Variants in WHAMM observed in about 807,000 individuals in gnomAD.
WHAMM encodes WASP homolog associated with actin, golgi membranes and microtubules.
WHAMM carries 67 observed loss-of-function variants against 76.5 expected under a neutral mutation model. That is an observed-to-expected ratio of 0.88 (90% CI 0.72 to 1.07). WHAMM has a LOEUF of 1.07. Among genes scored for constraint, WHAMM ranks in the 50% least tolerant of loss-of-function variants. The probability of loss-of-function intolerance (pLI) is 0.00; values close to 1 mark genes in which losing one functional copy is unlikely to be tolerated. For missense variants in WHAMM, 1,021 were observed against 1,051.1 expected (o/e 0.97, Z 0.40); for synonymous variants, 419 against 422.1 (o/e 0.99, Z 0.09).
At position 82,810,316 on chromosome 15, in the gene WHAMM, C is replaced by T. The variant is rs770646642; in HGVS notation, c.590C>T (p.Ala197Val). ...GCCTTGCGCGCGCGGTGGGTCGAGGCGGACGCGCGGCTGCGCCAGGTAAGC... is the reference window on the plus strand; with the variant it reads ...GCCTTGCGCGCGCGGTGGGTCGAGGTGGACGCGCGGCTGCGCCAGGTAAGC... ...ERALRARWVE[A>V]DARLRQVIQG... The change falls in exon 1 of 10, where the codon GCG (alanine) becomes GTG (valine). Residue 197 changes from alanine (A) to valine (V), a missense_variant. Ala to Val is a moderately conservative substitution (Grantham distance 64). This residue lies in a region of WHAMM where 501 missense variants were observed against 524.9 expected (regional missense o/e 0.95). Coordinates refer to ENST00000286760, the MANE Select transcript of WHAMM (RefSeq NM_001080435.3). 7.6e-7 allele frequency: 1 copy of T among 1,315,938 alleles called. No homozygotes were observed. The highest frequency in any genetic ancestry group is 2.2e-5 in the South Asian group (1 of 46,352). 81.5% of individuals were successfully genotyped at this position (1,315,938 alleles called of 1,614,324 possible).
At position 82,809,719 on chromosome 15, in the gene WHAMM, C is replaced by G. The variant is rs749369793; in HGVS notation, c.-8C>G. On this transcript the variant is annotated 5_prime_UTR_variant, in exon 1 of 10. Transcript: ENST00000286760. ...CGCCGAGCCCTAGGGCCGCTGCTGCCGACAGCCATGGAGGACGAGCAGCCT... is the reference window on the plus strand; with the variant it reads ...CGCCGAGCCCTAGGGCCGCTGCTGCGGACAGCCATGGAGGACGAGCAGCCT... 2.7e-6 allele frequency: 4 copies of G among 1,462,244 alleles called. No individual in the cohort carries two copies. Among genetic ancestry groups the G allele is most frequent in the Non-Finnish European group, 2.7e-6 (3 of 1,102,710 alleles). The allele number at this position is 1,462,244 out of a possible 1,614,324, so 90.6% of individuals were successfully genotyped here. A position where few individuals can be genotyped will look rare whatever the true frequency, so the allele number is the denominator to read the frequency against.
chr15:82,833,185 A>T, intron 9 of WHAMM, 44 bp from the exon 10 acceptor site: 2 of 1,571,912 alleles, frequency 1.3e-6, no homozygotes, highest in Non-Finnish European at 1.7e-6. Context: ...CTGGGAAGGG[A>T]AAGTGTTTTA....
At chr15:82,815,397 T>TA (rs1296263266) in intron 2 of WHAMM, among the ~76,000 whole-genome samples, 3 of 152,018 alleles carry the variant, frequency 2.0e-5, no homozygotes, top group Non-Finnish European at 4.4e-5. Flanking sequence ...TTGGAGCAAA[T>TA]ATCAGGATTT....
rs1187614453 is a variant in WHAMM at position 82,810,203 on chromosome 15, C to G, written c.477C>G (p.Gly159=). ...LERYLGAAAD[G]CGGATVRDAL... ...GCTATCTGGGCGCGGCGGCCGACGG[C>G]TGCGGCGGCGCCACAGTGCGCGACG... The change falls in exon 1 of 10, where the codon GGC becomes GGG. Residue 159 remains glycine (G), a synonymous_variant. Transcript: ENST00000286760. The G allele has an allele frequency of 1.4e-6, 2 of 1,409,484 alleles. No homozygotes were observed. The highest frequency in any genetic ancestry group is 1.9e-6 in the Non-Finnish European group (2 of 1,079,062). 87.3% of individuals were successfully genotyped at this position (1,409,484 alleles called of 1,614,324 possible).
At chr15:82,827,294 C>T (rs1322617012) in intron 8 of WHAMM, among the ~76,000 whole-genome samples, 1 of 151,676 alleles carries the variant, frequency 6.6e-6, no homozygotes, top group East Asian at 1.9e-4. Context: ...TTTTTGATAT[C>T]TACAACTTTC....
At chr15:82,831,113 G>GAGTT (rs769694242) in intron 9 of WHAMM, 34 bp downstream of exon 9, 2 of 1,587,730 alleles carry the variant, frequency 1.3e-6, no homozygotes, top group East Asian at 4.5e-5. Flanking sequence ...TGCTCCCCAT[G>GAGTT]AGTTGTTAAG....
chr15:82,830,501 T>A, intron 8 of WHAMM, 98 bp from the exon 9 acceptor site: 1 of 1,512,734 alleles, frequency 6.6e-7, no homozygotes, highest in Non-Finnish European at 8.9e-7. Context: ...AGACCATCCA[T>A]GCATAGAAAC....
chr15:82,816,468 G>GT (rs936794796), intron 2 of WHAMM, among the ~76,000 whole-genome samples: 21 of 150,556 alleles, frequency 1.4e-4, no homozygotes, highest in East Asian at 3.9e-4. Context: ...GTGAAAGTGG[G>GT]TTTTTTTTTC....
At chr15:82,830,269 T>C (rs553630467) in intron 8 of WHAMM, among the ~76,000 whole-genome samples, 1 of 152,186 alleles carries the variant, frequency 6.6e-6, no homozygotes, top group East Asian at 1.9e-4. Flanking sequence ...TTGTCATAAT[T>C]TTTTCAACAA....
intron 1 of WHAMM, among the ~76,000 whole-genome samples, chr15:82,812,631 G>A (rs1015931116): frequency 7.9e-5 from 12 of 152,064 alleles, no homozygotes; most frequent in African/African-American, 2.2e-4. Context: ...GGTCCCTTTC[G>A]CTGCATACTT....
At chr15:82,818,171 G>A (rs771950891) in intron 4 of WHAMM, 82 bp downstream of exon 4, 1 of 1,430,910 alleles carries the variant, frequency 7.0e-7, no homozygotes, top group African/African-American at 1.4e-5. Flanking sequence ...GGATACAAGT[G>A]CAGTTTTTGT....
At position 82,810,528 on chromosome 15, in the gene WHAMM, T is replaced by A. The variant is rs889004466; in HGVS notation, c.609+193T>A. On this transcript the variant is annotated intron_variant, in intron 1 of 9. Coordinates refer to ENST00000286760, the MANE Select transcript of WHAMM (RefSeq NM_001080435.3). ...GAAACCGGCGGGAGCTGCGGGAGGG[T>A]CTGCAGAGAGGACAAGCGAAGTTAG... 5.1e-6 allele frequency: 5 copies of A among 984,836 alleles called. No individual in the cohort carries two copies. The African/African-American group carries it at 8.8e-5, about 17-fold the overall frequency. The allele number at this position is 984,836 out of a possible 1,614,324, so 61.0% of individuals were successfully genotyped here.
rs1161372462 is a variant in WHAMM at position 82,826,492 on chromosome 15, A to G, written c.1541A>G (p.Gln514Arg). Residue 514 changes from glutamine to arginine, a missense_variant, in exon 7 of 10, where the codon CAG becomes CGG. Physicochemically the swap from Gln to Arg is conservative, Grantham distance 43. This residue lies in a region of WHAMM where 509 missense variants were observed against 492.3 expected (regional missense o/e 1.03). Transcript: ENST00000286760. ...TACTCTCGTCAGCATCACAGTATTC[A>G]GATGGTGAGTCTCCTCCGAAGGAAA... ...IRYSRQHHSI[Q>R]MKRDKIKEEE... 1.9e-6 allele frequency: 3 copies of G among 1,612,798 alleles called. No homozygotes were observed. The South Asian group carries it at 3.3e-5, about 18-fold the overall frequency.
intron 6 of WHAMM, among the ~76,000 whole-genome samples, chr15:82,826,190 A>G (rs1029927445): frequency 6.6e-6 from 1 of 152,138 alleles, no homozygotes; most frequent in African/African-American, 2.4e-5. Context: ...ATTGTTTTTC[A>G]TCTCTTAAAG....
chr15:82,812,100 G>A (rs1302342548), intron 1 of WHAMM, among the ~76,000 whole-genome samples: 2 of 152,198 alleles, frequency 1.3e-5, no homozygotes, highest in Non-Finnish European at 2.9e-5. Flanking sequence ...AGCAGAGACT[G>A]GAACCACAGT....
At chr15:82,819,759 C>T (rs1391344335) in intron 5 of WHAMM, among the ~76,000 whole-genome samples, 15 of 152,190 alleles carry the variant, frequency 9.9e-5, no homozygotes, top group South Asian at 4.1e-4. Context: ...TGTGGGAGGC[C>T]GAGGCGGGCA....
intron 9 of WHAMM, among the ~76,000 whole-genome samples, chr15:82,831,676 GTTTC>G (rs1356347162): frequency 6.6e-6 from 1 of 152,164 alleles, no homozygotes. Context: ...ACTCCTGACA[GTTTC>G]TTTAATAGGG....
intron 2 of WHAMM, 29 bp from the exon 3 acceptor site, chr15:82,816,659 TCTTA>T: frequency 1.3e-6 from 2 of 1,526,964 alleles, no homozygotes; most frequent in Non-Finnish European, 1.8e-6. Flanking sequence ...AACTATTAGC[TCTTA>T]CTAAGAAAAT....
At chr15:82,819,731 C>T (rs147798316) in intron 5 of WHAMM, among the ~76,000 whole-genome samples, 8 of 152,350 alleles carry the variant, frequency 5.3e-5, no homozygotes, top group Admixed American at 4.6e-4. Flanking sequence ...CAGTGGCTCA[C>T]GCCTATAATC....
Sources: gnomAD v4.1 joint callset for allele counts (sites outside exome capture counted in the v4.1 genomes callset) on GRCh38, gnomAD v4.1.1 for gene constraint, gnomAD v4.1.1 regional missense constraint, MANE v1.5 for transcripts, NCBI Gene and HGNC (gene_info 2026-07-23, HGNC 2026-07-21) for gene names.